Variants in SPATA16 observed in about 807,000 individuals in gnomAD.
SPATA16 encodes the protein spermatogenesis-associated protein 16.
In SPATA16, 36 loss-of-function variants were observed where a neutral mutation model predicts 63.3. That is an observed-to-expected ratio of 0.57 (90% CI 0.44 to 0.75). The LOEUF (loss-of-function observed/expected upper bound fraction) is 0.75, where lower values mean the gene tolerates loss of function less well. SPATA16 is among the 30% of genes least tolerant of loss of function. The probability of loss-of-function intolerance (pLI) is 0.00; values close to 1 mark genes in which losing one functional copy is unlikely to be tolerated. For synonymous variants in SPATA16, 203 were observed against 216.7 expected, an observed-to-expected ratio of 0.94 and a Z score of 0.56; for missense variants, 646 against 679.3, an observed-to-expected ratio of 0.95 and a Z score of 0.54.
chr3:173,010,069 C>G (rs1031384674), intron 4 of SPATA16, among the ~76,000 whole-genome samples: 1 of 152,058 alleles, frequency 6.6e-6, no homozygotes, highest in Non-Finnish European at 1.5e-5. Flanking sequence ...TCGACTGCCA[C>G]GCAGGAAAAG....
chr3:172,958,497 T>A (rs1267707413), intron 5 of SPATA16, among the ~76,000 whole-genome samples: 2 of 152,216 alleles, frequency 1.3e-5, no homozygotes, highest in Admixed American at 1.3e-4. Context: ...TGTGCAGTGA[T>A]GTGTCAAGGA....
rs934690723 is a variant in SPATA16, at chr3:172,924,116, A to G, written c.1338+92T>C. The G allele has an allele frequency of 4.8e-5, 51 of 1,057,342 alleles. No homozygotes were observed. In the East Asian group the frequency reaches 1.3e-3, roughly 26 times the overall value. The allele number at this position is 1,057,342 out of a possible 1,614,324, so 65.5% of individuals were successfully genotyped here. A position where few individuals can be genotyped will look rare whatever the true frequency, so the allele number is the denominator to read the frequency against. ...CTATGAACGTTTCCAAAATCCCCTAACACTTGCACTATTTGCCATGTAAGC... is the reference window on the plus strand; with the variant it reads ...CTATGAACGTTTCCAAAATCCCCTAGCACTTGCACTATTTGCCATGTAAGC... On this transcript the variant is annotated intron_variant, in intron 8 of 10. Coordinates refer to ENST00000351008, the MANE Select transcript of SPATA16 (RefSeq NM_031955.6).
chr3:172,925,547 A>G, intron 6 of SPATA16, 55 bp from the exon 7 acceptor site: 1 of 1,610,890 alleles, frequency 6.2e-7, no homozygotes, highest in Non-Finnish European at 8.5e-7. Context: ...TAATATTTTT[A>G]GGGTTTTCCC....
At chr3:172,971,318 G>T (rs1325158377) in intron 5 of SPATA16, among the ~76,000 whole-genome samples, 3 of 152,174 alleles carry the variant, frequency 2.0e-5, no homozygotes, top group Non-Finnish European at 2.9e-5. Context: ...ATAATCACTG[G>T]TTTTTAAAAT....
At chr3:173,088,756 A>C (rs1737149554) in intron 2 of SPATA16, among the ~76,000 whole-genome samples, 1 of 152,202 alleles carries the variant, frequency 6.6e-6, no homozygotes, top group African/African-American at 2.4e-5. Context: ...TCCTAGGTAC[A>C]AAGTGCCTTC....
At chr3:172,930,835 A>C (rs1482564563) in intron 6 of SPATA16, among the ~76,000 whole-genome samples, 1 of 147,550 alleles carries the variant, frequency 6.8e-6, no homozygotes, top group Non-Finnish European at 1.5e-5. Flanking sequence ...TACAGGCGTG[A>C]GCCACCTTTT....
intron 2 of SPATA16, among the ~76,000 whole-genome samples, chr3:173,067,358 A>G (rs1310719906): frequency 6.6e-6 from 1 of 152,172 alleles, no homozygotes; most frequent in African/African-American, 2.4e-5. Flanking sequence ...AACAAATACC[A>G]CATATTCTCA....
chr3:172,916,752 G>A (rs554726960), intron 8 of SPATA16, among the ~76,000 whole-genome samples: 2 of 152,280 alleles, frequency 1.3e-5, no homozygotes, highest in Admixed American at 6.5e-5. Context: ...GGGGAAAAGA[G>A]GGGACTAAAT....
chr3:172,964,456 T>A (rs752184511), intron 5 of SPATA16, among the ~76,000 whole-genome samples: 4 of 152,198 alleles, frequency 2.6e-5, no homozygotes, highest in African/African-American at 4.8e-5. Context: ...GCCACAGAGC[T>A]TTTATTCTTG....
chr3:173,098,336 C>T (rs1165387170), intron 2 of SPATA16, among the ~76,000 whole-genome samples: 1 of 152,184 alleles, frequency 6.6e-6, no homozygotes, highest in African/African-American at 2.4e-5. Context: ...CACGTGCACG[C>T]ATTTGGTATT....
intron 2 of SPATA16, among the ~76,000 whole-genome samples, chr3:173,110,894 T>TCCC (rs1364801179): frequency 6.6e-6 from 1 of 152,240 alleles, no homozygotes; most frequent in East Asian, 1.9e-4. Context: ...CTCAGAGTTG[T>TCCC]CCCTGGACCA....
In SPATA16 at chr3:172,961,069, T is replaced by TCTTCCTTTCTTCCTTCCTTCCTTC. The variant is rs1560080344; in HGVS notation, c.934-4246_934-4245insGAAGGAAGGAAGGAAGAAAGGAAG. Among the ~76,000 whole-genome samples, 37 of 72,380 alleles carry TCTTCCTTTCTTCCTTCCTTCCTTC rather than the reference T, an allele frequency of 5.1e-4. 2 individuals are homozygous for TCTTCCTTTCTTCCTTCCTTCCTTC. The highest frequency in any genetic ancestry group is 2.1e-3 in the African/African-American group (33 of 15,980). The allele number at this position is 72,380 out of a possible 152,430, so 47.5% of individuals were successfully genotyped here. A position where few individuals can be genotyped will look rare whatever the true frequency, so the allele number is the denominator to read the frequency against. On this transcript the variant is annotated intron_variant, in intron 5 of 10. Coordinates refer to ENST00000351008, the MANE Select transcript of SPATA16 (RefSeq NM_031955.6). ...CTTTCTTCTTTCTTTCTTTCTTCTTTCTTCCTTCCTTCCTTCCTTCCTTCC... is the reference window on the plus strand; with the variant it reads ...CTTTCTTCTTTCTTTCTTTCTTCTTTCTTCCTTTCTTCCTTCCTTCCTTCCTTCCTTCCTTCCTTCCTTCCTTCC...
At chr3:172,919,270 C>T (rs1732567779) in intron 8 of SPATA16, among the ~76,000 whole-genome samples, 3 of 152,148 alleles carry the variant, frequency 2.0e-5, no homozygotes, top group Admixed American at 2.0e-4. Context: ...AGTATAGTGC[C>T]ATCCAGTAGC....
At chr3:173,128,332 TATTA>T (rs1398097882) in intron 1 of SPATA16, among the ~76,000 whole-genome samples, 3 of 152,222 alleles carry the variant, frequency 2.0e-5, no homozygotes, top group Admixed American at 6.6e-5. Flanking sequence ...CTTAAGAATT[TATTA>T]ATTAATTCAA....
intron 5 of SPATA16, among the ~76,000 whole-genome samples, chr3:172,959,746 C>T (rs1733702590): frequency 1.4e-5 from 2 of 146,996 alleles, no homozygotes; most frequent in South Asian, 4.3e-4. Context: ...AGGCTTTGAG[C>T]CTGTCCTACA....
intron 2 of SPATA16, among the ~76,000 whole-genome samples, chr3:173,101,360 A>G (rs1737489710): frequency 6.6e-6 from 1 of 152,154 alleles, no homozygotes; most frequent in Non-Finnish European, 1.5e-5. Context: ...AAATTACTCC[A>G]TACCCTAATC....
intron 3 of SPATA16, among the ~76,000 whole-genome samples, chr3:173,021,336 A>G (rs1046535040): frequency 2.0e-5 from 3 of 152,130 alleles, no homozygotes; most frequent in African/African-American, 4.8e-5. Context: ...TGCCTTTCCT[A>G]TGGTGATTTC....
intron 2 of SPATA16, among the ~76,000 whole-genome samples, chr3:173,096,993 T>A (rs1176291265): frequency 1.3e-5 from 2 of 152,188 alleles, no homozygotes; most frequent in African/African-American, 4.8e-5. Context: ...TTCTTACCCA[T>A]GGTTTTGCAG....
At chr3:172,979,188 G>C (rs1734239709) in intron 4 of SPATA16, among the ~76,000 whole-genome samples, 1 of 151,978 alleles carries the variant, frequency 6.6e-6, no homozygotes, top group Non-Finnish European at 1.5e-5. Flanking sequence ...AGTGAGCCGA[G>C]ATCGCGCCAC....
Sources: gnomAD v4.1 joint callset for allele counts (sites outside exome capture counted in the v4.1 genomes callset) on GRCh38, gnomAD v4.1.1 for gene constraint, MANE v1.5 for transcripts, NCBI Gene and HGNC (gene_info 2026-07-23, HGNC 2026-07-21) for gene names.